METTL22: variants seen among roughly 807,000 people sequenced by gnomAD.
METTL22 encodes methyltransferase 22, Kin17 lysine.
METTL22 carries 51 observed loss-of-function variants against 48.4 expected under a neutral mutation model. That is an observed-to-expected ratio of 1.05 (90% CI 0.84 to 1.33). The LOEUF (loss-of-function observed/expected upper bound fraction) is 1.33, where lower values mean the gene tolerates loss of function less well. METTL22 is among the 40% of genes most tolerant of loss of function. The pLI, the probability that METTL22 is intolerant of heterozygous loss-of-function variation, is 0.00. For missense variants in METTL22, 678 were observed against 526.9 expected (o/e 1.29, Z -2.81); for synonymous variants, 255 against 214.1 (o/e 1.19, Z -1.67).
Position 8,641,414 on chromosome 16 carries a change from T to G in METTL22, c.826+230T>G, listed in dbSNP as rs186487822. 5 of 634,596 alleles carry G rather than the reference T, an allele frequency of 7.9e-6. No homozygotes were observed. The East Asian group carries it at 1.6e-4, about 20-fold the overall frequency. The allele number at this position is 634,596 out of a possible 1,614,324, so 39.3% of individuals were successfully genotyped here. A position where few individuals can be genotyped will look rare whatever the true frequency, so the allele number is the denominator to read the frequency against. On this transcript the variant is annotated intron_variant, in intron 7 of 10. Transcript: ENST00000381920. ...ATTTTCTTCTCCAGGTGTTGTGGTT[T>G]CCCTGTGTGGTAGCATGATAATCCC...
chr16:8,627,659 G>C (rs1192916750), intron 2 of METTL22, among the ~76,000 whole-genome samples: 4 of 152,190 alleles, frequency 2.6e-5, no homozygotes, highest in African/African-American at 9.7e-5. Context: ...GCCATGCCCA[G>C]TCATTAACGT....
chr16:8,651,940 T>G (rs148117245), downstream of METTL22, among the ~76,000 whole-genome samples: 1,375 of 152,266 alleles, frequency 9.0e-3, 14 homozygotes, highest in African/African-American at 0.031. Context: ...GATGACGGGT[T>G]GATAGGTGCA....
chr16:8,641,240 C>G, intron 7 of METTL22, 56 bp downstream of exon 7: 1 of 1,554,184 alleles, frequency 6.4e-7, no homozygotes, highest in Non-Finnish European at 8.9e-7. Context: ...TTTGTAATAC[C>G]TCAGTGCCCC....
At chr16:8,662,391 T>C in the METTL22 span, among the ~76,000 whole-genome samples, 5 of 145,310 alleles carry the variant, frequency 3.4e-5, no homozygotes, top group African/African-American at 1.3e-4. Context: ...GATTGGAGCT[T>C]ATGCTGTGCC....
intron 5 of METTL22, among the ~76,000 whole-genome samples, chr16:8,635,751 C>T (rs1316004313): frequency 6.6e-6 from 1 of 152,182 alleles, no homozygotes; most frequent in Non-Finnish European, 1.5e-5. Context: ...TTTACAATCC[C>T]TAGATTGAAT....
At chr16:8,655,111 A>G in the METTL22 span, among the ~76,000 whole-genome samples, 1 of 152,216 alleles carries the variant, frequency 6.6e-6, no homozygotes, top group South Asian at 2.1e-4. Flanking sequence ...TATTTGCTGC[A>G]TGACAAAATA....
chr16:8,633,688 G>A (rs1441532377), intron 3 of METTL22, among the ~76,000 whole-genome samples: 1 of 152,216 alleles, frequency 6.6e-6, no homozygotes, highest in Non-Finnish European at 1.5e-5. Flanking sequence ...ACCACAGCCT[G>A]CTAACCTCAC....
At chr16:8,642,991 CCT>C (rs2056671922) in intron 9 of METTL22, 2 of 201,534 alleles carry the variant, frequency 9.9e-6, no homozygotes, top group African/African-American at 2.3e-5. Context: ...TCGGACAGCT[CCT>C]CACCCAACAG....
chr16:8,660,413 A>G, the METTL22 span, among the ~76,000 whole-genome samples: 1 of 151,902 alleles, frequency 6.6e-6, no homozygotes, highest in African/African-American at 2.4e-5. Flanking sequence ...TCCTGACCTC[A>G]AGTGATCCGC....
intron 3 of METTL22, among the ~76,000 whole-genome samples, chr16:8,633,158 C>A (rs908332426): frequency 1.3e-5 from 2 of 152,106 alleles, no homozygotes; most frequent in East Asian, 3.9e-4. Flanking sequence ...ACCACAGACA[C>A]CCCTTCCCCT....
In METTL22 at chr16:8,635,273, A is replaced by G. The variant is rs2056389927; in HGVS notation, c.661A>G (p.Ile221Val). 6.2e-7 allele frequency: 1 copy of G among 1,602,792 alleles called. No individual in the cohort carries two copies. The highest frequency in any genetic ancestry group is 8.5e-7 in the Non-Finnish European group (1 of 1,174,864). The change falls in exon 5 of 11, where the codon ATC becomes GTC. Residue 221 changes from isoleucine to valine, a missense_variant. By Grantham distance (29) the Ile-to-Val change is conservative. Transcript: ENST00000381920. ...ELGAGTGLAS[I>V]IAATMARTVY... ...CGGGGCCGGCACGGGGCTCGCTAGCATCATCGCAGCCACCATGGCACGGAC... is the reference window on the plus strand; with the variant it reads ...CGGGGCCGGCACGGGGCTCGCTAGCGTCATCGCAGCCACCATGGCACGGAC...
chr16:8,649,166 G>T lies in METTL22; in HGVS notation c.*3023G>T, dbSNP rs1596376335. ...CACAGCTTTCACCTGCCGCATTAGG[G>T]CAAACTGCTTTTATGTCTAAACCAC... On this transcript the variant is annotated 3_prime_UTR_variant, in exon 11 of 11. Transcript: ENST00000381920. 1 of 152,180 alleles carries T rather than the reference G, an allele frequency of 6.6e-6. No individual in the cohort carries two copies. Among genetic ancestry groups the T allele is most frequent in the Admixed American group, 6.5e-5 (1 of 15,282 alleles). The allele number at this position is 152,180 out of a possible 1,614,324, so 9.4% of individuals were successfully genotyped here.
At chr16:8,629,132 C>T (rs758200099) in intron 3 of METTL22, 22 bp downstream of exon 3, 12 of 1,599,076 alleles carry the variant, frequency 7.5e-6, no homozygotes, top group Non-Finnish European at 1.0e-5. Flanking sequence ...TGTGATGTGG[C>T]CCACCTGTCA....
chr16:8,641,109 C>G, intron 6 of METTL22, 22 bp from the exon 7 acceptor site: 1 of 1,612,362 alleles, frequency 6.2e-7, no homozygotes, highest in South Asian at 1.1e-5. Context: ...TTGGAAAGTT[C>G]TCTTTTTGTT....
intron 3 of METTL22, among the ~76,000 whole-genome samples, chr16:8,630,792 G>C (rs2056234185): frequency 6.6e-6 from 1 of 152,188 alleles, no homozygotes. Flanking sequence ...CACTTTTTCA[G>C]CTGTCAGTCA....
At chr16:8,622,628 TC>T (rs2055892981) in intron 1 of METTL22, among the ~76,000 whole-genome samples, 2 of 152,238 alleles carry the variant, frequency 1.3e-5, no homozygotes, top group Non-Finnish European at 2.9e-5. Context: ...TTCACTTTAA[TC>T]ATTATTATAT....
chr16:8,625,078 T>C (rs1039763042), intron 1 of METTL22, among the ~76,000 whole-genome samples: 3 of 152,144 alleles, frequency 2.0e-5, no homozygotes, highest in African/African-American at 4.8e-5. Context: ...TTGACTTTAA[T>C]GCTATTAGGG....
chr16:8,628,589 C>G (rs2056142077), intron 2 of METTL22, 141 bp from the exon 3 acceptor site: 2 of 1,184,886 alleles, frequency 1.7e-6, no homozygotes, highest in Admixed American at 5.8e-5. Flanking sequence ...TCAAGTGGGC[C>G]TTTTCTGCTG....
At chr16:8,651,505 C>T (rs567294444), downstream of METTL22, among the ~76,000 whole-genome samples, 19 of 151,528 alleles carry the variant, frequency 1.3e-4, no homozygotes, top group East Asian at 9.7e-4. Context: ...TTTGGCTTGG[C>T]GGAATTTTCA....
Sources: gnomAD v4.1 joint callset for allele counts (sites outside exome capture counted in the v4.1 genomes callset) on GRCh38, gnomAD v4.1.1 for gene constraint, MANE v1.5 for transcripts, NCBI Gene and HGNC (gene_info 2026-07-23, HGNC 2026-07-21) for gene names.